Variants in FNBP4 observed in about 807,000 individuals in gnomAD.
FNBP4 encodes the protein formin-binding protein 4.
Under a neutral mutation model 119.3 loss-of-function variants are expected in FNBP4, and 34 were observed. The ratio of observed to expected loss-of-function variants is 0.28; its 90% CI spans 0.22 to 0.38. FNBP4 has a LOEUF of 0.38. FNBP4 is among the 10% of genes least tolerant of loss of function. The probability of loss-of-function intolerance (pLI) is 1.00; values close to 1 mark genes in which losing one functional copy is unlikely to be tolerated. For synonymous variants in FNBP4, 462 were observed against 430.6 expected (o/e 1.07, Z -0.90); for missense variants, 1,112 against 1,228.9 (o/e 0.90, Z 1.42).
chr11:47,727,999 C>T (rs2097563079), intron 12 of FNBP4, among the ~76,000 whole-genome samples: 1 of 152,058 alleles, frequency 6.6e-6, no homozygotes, highest in South Asian at 2.1e-4. Context: ...CTGCCTCAGC[C>T]TCCCGAGTAG....
intron 1 of FNBP4, among the ~76,000 whole-genome samples, chr11:47,765,567 C>CGGGGGA (rs2097645734): frequency 2.7e-5 from 1 of 36,394 alleles, no homozygotes; most frequent in Non-Finnish European, 4.4e-5. Context: ...GAGGCCAAGA[C>CGGGGGA]GGGGGGGGGG....
chr11:47,719,714 T>C (rs75686282), intron 16 of FNBP4, among the ~76,000 whole-genome samples: 18,374 of 152,046 alleles, frequency 0.12, 1,229 homozygotes, highest in Non-Finnish European at 0.15. Flanking sequence ...GTATTACAAC[T>C]CTGTTGTTTC....
chr11:47,757,285 G>A (rs1310358180), intron 2 of FNBP4, among the ~76,000 whole-genome samples: 2 of 151,894 alleles, frequency 1.3e-5, no homozygotes, highest in Non-Finnish European at 2.9e-5. Context: ...CAGTGGCTCC[G>A]CTCACTACAA....
intron 16 of FNBP4, among the ~76,000 whole-genome samples, chr11:47,719,566 TTATGTGTG>T (rs1486021074): frequency 3.9e-4 from 51 of 129,936 alleles, no homozygotes; most frequent in African/African-American, 1.1e-3. Context: ...AGTTAATATG[TTATGTGTG>T]TATGTGTGTG....
chr11:47,755,090 C>T (rs529428208), intron 2 of FNBP4, among the ~76,000 whole-genome samples: 6 of 150,338 alleles, frequency 4.0e-5, no homozygotes, highest in Admixed American at 2.0e-4. Flanking sequence ...GCCAAGATCA[C>T]GCCACTGCAC....
chr11:47,720,058 G>A lies in FNBP4; in HGVS notation c.2834C>T (p.Ser945Phe). 4 of 1,613,904 alleles carry A rather than the reference G, an allele frequency of 2.5e-6. No homozygotes were observed. In the South Asian group the frequency reaches 4.4e-5, roughly 18 times the overall value. ...GATACTCTGCCACTTTTTTACCAAAGATGGCATTTTGGTCTTACTCTTCTT... is the reference window on the plus strand; with the variant it reads ...GATACTCTGCCACTTTTTTACCAAAAATGGCATTTTGGTCTTACTCTTCTT... ...KAKKSKTKMPSLVKKWQSIQR... is the reference protein window; with the variant it reads ...KAKKSKTKMPFLVKKWQSIQR... Residue 945 changes from serine to phenylalanine, a missense_variant, in exon 16 of 17, where the codon TCT (serine) becomes TTT (phenylalanine). Physicochemically the swap from Ser to Phe is radical, Grantham distance 155. Transcript: ENST00000263773.
At chr11:47,763,524 G>C (rs2097640519) in intron 2 of FNBP4, among the ~76,000 whole-genome samples, 1 of 150,842 alleles carries the variant, frequency 6.6e-6, no homozygotes, top group Admixed American at 6.6e-5. Flanking sequence ...GTTTTGAGAC[G>C]GAGTCTTGCT....
intron 16 of FNBP4, among the ~76,000 whole-genome samples, chr11:47,718,512 G>A (rs532769603): frequency 3.9e-5 from 6 of 152,086 alleles, no homozygotes; most frequent in East Asian, 1.9e-4. Flanking sequence ...GTGCCCGGCC[G>A]GATCTAATGT....
Position 47,729,113 on chromosome 11 carries a change from A to C in FNBP4, c.2008+2261T>G, listed in dbSNP as rs1332030808. On this transcript the variant is annotated intron_variant, in intron 12 of 16. Coordinates refer to ENST00000263773, the MANE Select transcript of FNBP4 (RefSeq NM_015308.5). ...GTGATCCACCCGCCTCAGCCCCCCA[A>C]AGTATTGGGATTACAGGCATGAGCC... is the stretch of plus-strand genomic sequence containing the variant. The C allele has an allele frequency of 4.1e-6, 4 of 967,804 alleles. No homozygotes were observed. The African/African-American group carries it at 5.3e-5, about 13-fold the overall frequency. The allele number at this position is 967,804 out of a possible 1,614,324, so 60.0% of individuals were successfully genotyped here.
intron 12 of FNBP4, among the ~76,000 whole-genome samples, chr11:47,727,429 T>C (rs1015782166): frequency 5.9e-5 from 9 of 152,054 alleles, no homozygotes; most frequent in Non-Finnish European, 1.3e-4. Context: ...TTTGTATTTT[T>C]AGTAAGAGAG....
Position 47,767,176 on chromosome 11 carries a change from T to C in FNBP4, c.113A>G (p.Glu38Gly). 6.4e-7 allele frequency: 1 copy of C among 1,557,816 alleles called. No homozygotes were observed. ...GRDPEPEPDT[E>G]PDSTAAVPSQ... Reference sequence around the variant, plus strand: ...GGGGACCGCCGCGGTTGAGTCCGGCTCAGTGTCGGGTTCCGGCTCCGGGTC... The same window carrying C: ...GGGGACCGCCGCGGTTGAGTCCGGCCCAGTGTCGGGTTCCGGCTCCGGGTC... The change falls in exon 1 of 17, where the codon GAG becomes GGG. Residue 38 changes from glutamate to glycine, a missense_variant. By Grantham distance (98) the Glu-to-Gly change is moderately conservative. Around this residue, in one of 2 missense-constraint regions of FNBP4, gnomAD observed 286 missense variants for 240.1 expected, o/e 1.19. Coordinates refer to ENST00000263773, the MANE Select transcript of FNBP4 (RefSeq NM_015308.5).
chr11:47,759,434 G>A (rs1204410427), intron 2 of FNBP4, among the ~76,000 whole-genome samples: 1 of 151,648 alleles, frequency 6.6e-6, no homozygotes, highest in African/African-American at 2.4e-5. Context: ...GGCTGCTCTC[G>A]CACTCCTGAC....
Position 47,719,957 on chromosome 11 carries a change from C to T in FNBP4, c.2935G>A (p.Glu979Lys). 5 of 1,613,920 alleles carry T rather than the reference C, an allele frequency of 3.1e-6. No homozygotes were observed. Among genetic ancestry groups the T allele is most frequent in the Non-Finnish European group, 4.2e-6 (5 of 1,179,898 alleles). ...ACCAGCTGCTGCTGTTTCCACTCTT[C>T]AATTCGCTTCTGTGCAGTTGATTCC... ...DRESTAQKRIEEWKQQQLVSG... is the reference protein window; with the variant it reads ...DRESTAQKRIKEWKQQQLVSG... The change falls in exon 16 of 17, where the codon GAA becomes AAA. Residue 979 changes from glutamate to lysine, a missense_variant. Transcript: ENST00000263773.
chr11:47,740,563 T>C (rs2097580457), intron 8 of FNBP4, among the ~76,000 whole-genome samples: 1 of 151,332 alleles, frequency 6.6e-6, no homozygotes, highest in South Asian at 2.1e-4. Flanking sequence ...AGCTTCCTCA[T>C]GGACAGATCT....
rs187103229 is a variant in FNBP4 at position 47,743,926 on chromosome 11, T to G, written c.1456+27A>C. On this transcript the variant is annotated intron_variant, in intron 8 of 16. Coordinates refer to ENST00000263773, the MANE Select transcript of FNBP4 (RefSeq NM_015308.5). ...CCTTCCCCTCTATATCTTTCAACTCTGAAGTTTAATGTGAAGCACAAATTA... is the reference window on the plus strand; with the variant it reads ...CCTTCCCCTCTATATCTTTCAACTCGGAAGTTTAATGTGAAGCACAAATTA... 1.1e-5 allele frequency: 17 copies of G among 1,600,752 alleles called. No homozygotes were observed. In the Admixed American group the frequency reaches 2.8e-4, roughly 27 times the overall value.
Position 47,717,531 on chromosome 11 carries a change from G to C in FNBP4, c.2964-19C>G. ...CATGCCACTGTGAAAACAACATACA[G>C]ATTATTTTAGTGGAAAGAAAAATTA... is the stretch of plus-strand genomic sequence containing the variant. On this transcript the variant is annotated intron_variant, in intron 16 of 16. Coordinates refer to ENST00000263773, the MANE Select transcript of FNBP4 (RefSeq NM_015308.5). The C allele has an allele frequency of 1.3e-6, 2 of 1,550,358 alleles. No individual in the cohort carries two copies. The highest frequency in any genetic ancestry group is 1.4e-5 in the African/African-American group (1 of 73,258).
chr11:47,728,848 C>CTTT (rs35490791), intron 12 of FNBP4, among the ~76,000 whole-genome samples: 1,719 of 113,524 alleles, frequency 0.015, 40 homozygotes, highest in Non-Finnish European at 0.02. Flanking sequence ...CTGTAGGCGT[C>CTTT]TTTTTTTTTT....
Position 47,767,093 on chromosome 11 carries a change from C to T in FNBP4, c.196G>A (p.Ala66Thr), listed in dbSNP as rs1261455814. 1.3e-6 allele frequency: 2 copies of T among 1,530,750 alleles called. No individual in the cohort carries two copies. Among genetic ancestry groups the T allele is most frequent in the Middle Eastern group, 3.8e-4 (2 of 5,316 alleles). The allele number at this position is 1,530,750 out of a possible 1,614,324, so 94.8% of individuals were successfully genotyped here. ...TTTTAVTAAA[A>T]SDDSPSEDEQ... ...CCTTCTGAAGGCGAGTCGTCCGAGG[C>T]CGCGGCGGCAGTCACCGCGGTGGTG... Residue 66 changes from alanine to threonine, a missense_variant, in exon 1 of 17, where the codon GCC (alanine) becomes ACC (threonine). Coordinates refer to ENST00000263773, the MANE Select transcript of FNBP4 (RefSeq NM_015308.5).
chr11:47,751,044 A>T lies in FNBP4; in HGVS notation c.786-8T>A. On this transcript the variant is annotated splice_region_variant and splice_polypyrimidine_tract_variant and intron_variant, in intron 5 of 16. Transcript: ENST00000263773. Reference sequence around the variant, plus strand: ...TCAGCACCTGGCACAGAACTAAAAAAATATATACTTAGCAAGAGAAATATA... The same window carrying T: ...TCAGCACCTGGCACAGAACTAAAAATATATATACTTAGCAAGAGAAATATA... 5.0e-6 allele frequency: 8 copies of T among 1,613,070 alleles called. No individual in the cohort carries two copies. Among genetic ancestry groups the T allele is most frequent in the Non-Finnish European group, 5.1e-6 (6 of 1,179,702 alleles).
Sources: gnomAD v4.1 joint callset for allele counts (sites outside exome capture counted in the v4.1 genomes callset) on GRCh38, gnomAD v4.1.1 for gene constraint, gnomAD v4.1.1 regional missense constraint, MANE v1.5 for transcripts, NCBI Gene and HGNC (gene_info 2026-07-23, HGNC 2026-07-21) for gene names.